PPP1R13B: variants seen among roughly 807,000 people sequenced by gnomAD.
The protein encoded by PPP1R13B is protein phosphatase 1 regulatory subunit 13B, also known as apoptosis-stimulating of p53 protein 1.
PPP1R13B carries 44 observed loss-of-function variants against 119.8 expected under a neutral mutation model. That is an observed-to-expected ratio of 0.37 (90% CI 0.29 to 0.47). The LOEUF is 0.47. Among genes scored for constraint, PPP1R13B ranks in the 20% least tolerant of loss-of-function variants. PPP1R13B has a pLI of 0.99. For missense variants in PPP1R13B, 1,227 were observed against 1,413.5 expected (o/e 0.87, Z 2.12); for synonymous variants, 542 against 561.5 (o/e 0.97, Z 0.49).
intron 2 of PPP1R13B, among the ~76,000 whole-genome samples, chr14:103,792,283 T>A (rs1053904949): frequency 6.6e-6 from 1 of 151,772 alleles, no homozygotes; most frequent in African/African-American, 2.4e-5. Flanking sequence ...GATCAAGCGA[T>A]CGTCCCACCT....
At chr14:103,751,300 TA>T (rs2084538929) in intron 7 of PPP1R13B, among the ~76,000 whole-genome samples, 1 of 152,248 alleles carries the variant, frequency 6.6e-6, no homozygotes, top group African/African-American at 2.4e-5. Flanking sequence ...GCTTAAAATG[TA>T]GAAGTCATGA....
At chr14:103,817,878 A>G (rs911998289) in intron 1 of PPP1R13B, among the ~76,000 whole-genome samples, 1 of 152,154 alleles carries the variant, frequency 6.6e-6, no homozygotes, top group Non-Finnish European at 1.5e-5. Context: ...CTACTCAGAT[A>G]GTTCAGGAAC....
intron 4 of PPP1R13B, among the ~76,000 whole-genome samples, chr14:103,777,625 G>C (rs2085238178): frequency 6.6e-6 from 1 of 152,094 alleles, no homozygotes; most frequent in South Asian, 2.1e-4. Context: ...CTCCAAAGGA[G>C]ACATGATCTG....
chr14:103,753,604 T>C (rs1389149303), intron 6 of PPP1R13B, among the ~76,000 whole-genome samples: 1 of 152,182 alleles, frequency 6.6e-6, no homozygotes, highest in Non-Finnish European at 1.5e-5. Flanking sequence ...ATAACTTATC[T>C]TAATGCACGG....
At chr14:103,784,955 T>C (rs777648997) in intron 2 of PPP1R13B, 41 bp from the exon 3 acceptor site, 3 of 1,504,606 alleles carry the variant, frequency 2.0e-6, no homozygotes, top group East Asian at 4.6e-5. Context: ...AGAATTAAAA[T>C]GACTCCAACC....
intron 4 of PPP1R13B, 87 bp from the exon 5 acceptor site, chr14:103,757,838 T>C (rs1039893960): frequency 1.6e-5 from 18 of 1,107,200 alleles, no homozygotes; most frequent in African/African-American, 1.6e-4. Context: ...ATCAGGACTT[T>C]AGATAGGATC....
At chr14:103,735,856 G>A in intron 16 of PPP1R13B, 147 bp downstream of exon 16, 2 of 879,116 alleles carry the variant, frequency 2.3e-6, no homozygotes, top group Admixed American at 5.1e-5. Flanking sequence ...TGCCAGCTCT[G>A]CCAAGTAGGC....
chr14:103,803,283 G>A, intron 1 of PPP1R13B, among the ~76,000 whole-genome samples: 1 of 152,026 alleles, frequency 6.6e-6, no homozygotes, highest in Non-Finnish European at 1.5e-5. Context: ...TAGGATTAAG[G>A]AAACTAAATG....
At chr14:103,812,915 A>T (rs2086194905) in intron 1 of PPP1R13B, among the ~76,000 whole-genome samples, 1 of 152,240 alleles carries the variant, frequency 6.6e-6, no homozygotes, top group South Asian at 2.1e-4. Context: ...ACAACACCTA[A>T]CACTGGTGAG....
intron 1 of PPP1R13B, among the ~76,000 whole-genome samples, chr14:103,797,905 G>A (rs1488078184): frequency 6.6e-6 from 1 of 152,000 alleles, no homozygotes; most frequent in Non-Finnish European, 1.5e-5. Flanking sequence ...TATACAATGA[G>A]TGATGTTTGA....
At chr14:103,744,669 G>A (rs2084345442) in intron 9 of PPP1R13B, among the ~76,000 whole-genome samples, 1 of 152,232 alleles carries the variant, frequency 6.6e-6, no homozygotes, top group African/African-American at 2.4e-5. Context: ...CCGACGTCGA[G>A]GTCTGACACT....
intron 1 of PPP1R13B, among the ~76,000 whole-genome samples, chr14:103,835,455 A>C (rs2086753662): frequency 1.4e-5 from 2 of 140,920 alleles, no homozygotes; most frequent in Non-Finnish European, 3.0e-5. Context: ...TAAAGAGACC[A>C]GGTCTTGCTC....
intron 2 of PPP1R13B, among the ~76,000 whole-genome samples, chr14:103,786,618 A>C (rs183593649): frequency 6.6e-6 from 1 of 151,836 alleles, no homozygotes; most frequent in African/African-American, 2.4e-5. Context: ...TACAAAAATT[A>C]GCCGGGCATG....
At chr14:103,848,373 C>G, upstream of PPP1R13B, 1 of 985,456 alleles carries the variant, frequency 1.0e-6, no homozygotes, top group South Asian at 4.7e-5. Context: ...TCTCCAGAGG[C>G]GCCGCCCCCT....
At chr14:103,782,319 G>C (rs2085356281) in intron 3 of PPP1R13B, among the ~76,000 whole-genome samples, 1 of 152,204 alleles carries the variant, frequency 6.6e-6, no homozygotes, top group Non-Finnish European at 1.5e-5. Flanking sequence ...AGGGCACAGA[G>C]GTTCTTCATT....
intron 1 of PPP1R13B, among the ~76,000 whole-genome samples, chr14:103,807,854 CTCATCT>C (rs988724006): frequency 3.9e-5 from 6 of 152,050 alleles, no homozygotes; most frequent in Non-Finnish European, 8.8e-5. Context: ...TGCCTGTTTT[CTCATCT>C]TCAAGTTCTC....
At chr14:103,761,035 A>G (rs1020425112) in intron 4 of PPP1R13B, among the ~76,000 whole-genome samples, 1 of 152,208 alleles carries the variant, frequency 6.6e-6, no homozygotes, top group Non-Finnish European at 1.5e-5. Flanking sequence ...GTGGCCACGC[A>G]TGATGGCTCA....
chr14:103,790,419 G>T (rs1041739299), intron 2 of PPP1R13B, among the ~76,000 whole-genome samples: 1 of 152,112 alleles, frequency 6.6e-6, no homozygotes, highest in Non-Finnish European at 1.5e-5. Context: ...AATATTAGGA[G>T]GTGGGGTCTT....
At chr14:103,776,968 T>TTAA (rs2085215199) in intron 4 of PPP1R13B, among the ~76,000 whole-genome samples, 1 of 152,102 alleles carries the variant, frequency 6.6e-6, no homozygotes, top group African/African-American at 2.4e-5. Context: ...ATGTCCCTAT[T>TTAA]TGGTTCATTC....
Sources: allele counts gnomAD v4.1 joint callset (sites outside exome capture counted in the v4.1 genomes callset), GRCh38; gene constraint gnomAD v4.1.1; transcripts MANE v1.5; gene names NCBI Gene and HGNC (gene_info 2026-07-23, HGNC 2026-07-21).